The following ZSCAN2 variants were observed in gnomAD, a reference collection of about 807,000 sequenced individuals.
ZSCAN2 encodes zinc finger and SCAN domain-containing protein 2.
A neutral mutation model predicts 47.8 loss-of-function variants in ZSCAN2; 26 were observed. The observed-to-expected ratio is 0.54, with a 90% CI of 0.40 to 0.75. ZSCAN2 has a LOEUF of 0.75. ZSCAN2 is among the 30% of genes least tolerant of loss of function. The pLI, the probability that ZSCAN2 is intolerant of heterozygous loss-of-function variation, is 0.00. For missense variants in ZSCAN2, 732 were observed against 785.4 expected (o/e 0.93, Z 0.81); for synonymous variants, 305 against 288.7 (o/e 1.06, Z -0.57).
chr15:84,601,591 T>C (rs1895204128), intron 1 of ZSCAN2, among the ~76,000 whole-genome samples: 2 of 152,290 alleles, frequency 1.3e-5, no homozygotes, highest in African/African-American at 2.4e-5. Flanking sequence ...AGAGCTTCGG[T>C]TTTCCCACTA....
chr15:84,607,400 C>T (rs931910075), intron 2 of ZSCAN2, among the ~76,000 whole-genome samples: 4 of 152,052 alleles, frequency 2.6e-5, no homozygotes, highest in African/African-American at 9.7e-5. Context: ...CTCTGTGGGA[C>T]CTGGCCCAAA....
rs759946623 is a variant in ZSCAN2, at chr15:84,621,974, A to C, written c.1779A>C (p.Lys593Asn). The C allele has an allele frequency of 6.2e-7, 1 of 1,614,036 alleles. No individual in the cohort carries two copies. The highest frequency in any genetic ancestry group is 1.3e-5 in the African/African-American group (1 of 74,932). ...CCTACAAATGCCCCGAGTGTGGCAA[A>C]GGCTTCAGCAACAGCTCTAACTTTA... The part of the protein sequence containing the change: ...EKPYKCPECG[K>N]GFSNSSNFIT... The change falls in exon 3 of 3, where the codon AAA becomes AAC. Residue 593 changes from lysine (K) to asparagine (N), a missense_variant. Lys to Asn is a moderately conservative substitution (Grantham distance 94, BLOSUM62 0). Coordinates refer to ENST00000546148, the MANE Select transcript of ZSCAN2 (RefSeq NM_181877.4). The surrounding 1 kb of genome is among the most constrained non-coding windows in gnomAD (Gnocchi z 5.7).
intron 2 of ZSCAN2, among the ~76,000 whole-genome samples, chr15:84,613,981 CTTTTTTTTTTTTTT>C (rs35815000): frequency 1.9e-5 from 1 of 52,332 alleles, no homozygotes; most frequent in Admixed American, 3.1e-4. Flanking sequence ...CTCTTGGCCT[CTTTTTTTTTTTTTT>C]TTTTTTTTTT....
At chr15:84,614,833 T>G (rs1895652276) in intron 2 of ZSCAN2, 1 of 152,152 alleles carries the variant, frequency 6.6e-6, no homozygotes, top group Admixed American at 6.5e-5. Flanking sequence ...CCCTTGTAAG[T>G]GATTTGATCC....
intron 2 of ZSCAN2, among the ~76,000 whole-genome samples, chr15:84,617,306 T>C (rs1895716771): frequency 2.0e-5 from 3 of 150,922 alleles, no homozygotes; most frequent in Admixed American, 6.6e-5. Context: ...CGTGTTGGCG[T>C]GCGCCTGTAG....
intron 2 of ZSCAN2, chr15:84,612,167 A>T (rs1895568852): frequency 1.3e-5 from 2 of 152,214 alleles, no homozygotes; most frequent in African/African-American, 4.8e-5. Context: ...CAGCTCAGTG[A>T]CTTTTTCCCA....
intron 2 of ZSCAN2, chr15:84,606,227 A>G: frequency 2.8e-6 from 1 of 362,732 alleles, no homozygotes; most frequent in East Asian, 7.5e-5. Context: ...TGTCCTCTGG[A>G]GAAAGGGACT....
intron 2 of ZSCAN2, among the ~76,000 whole-genome samples, chr15:84,605,193 A>G (rs772184140): frequency 1.3e-5 from 2 of 152,174 alleles, no homozygotes; most frequent in Non-Finnish European, 2.9e-5. Context: ...GGTGTTACTA[A>G]TAAGTATTGG....
rs1156396594 is a variant in ZSCAN2, at chr15:84,604,067, A to C, written c.140A>C (p.Gln47Pro). ...TCCTGGGTGCAAGAAGCTGTGCTGC[A>C]GGAGGATGGCCCTGAGTCTGAGCCC... ...DDSWVQEAVL[Q>P]EDGPESEPFP... The change falls in exon 2 of 3, where the codon CAG becomes CCG. Residue 47 changes from glutamine to proline, a missense_variant. Gln to Pro is a moderately conservative substitution (Grantham distance 76). Around this residue, in one of 2 missense-constraint regions of ZSCAN2, gnomAD observed 320 missense variants for 287.4 expected, o/e 1.11. Coordinates refer to ENST00000546148, the MANE Select transcript of ZSCAN2 (RefSeq NM_181877.4). 2 of 1,614,028 alleles carry C rather than the reference A, an allele frequency of 1.2e-6. No individual in the cohort carries two copies. The highest frequency in any genetic ancestry group is 3.3e-5 in the Admixed American group (2 of 60,002).
In ZSCAN2 at chr15:84,621,125, G is replaced by C. The variant is rs747232457; in HGVS notation, c.930G>C (p.Glu310Asp). 6.2e-7 allele frequency: 1 copy of C among 1,614,034 alleles called. No homozygotes were observed. Among genetic ancestry groups the C allele is most frequent in the African/African-American group, 1.3e-5 (1 of 74,986 alleles). The part of the protein sequence containing the change: ...HTGEKPFQCA[E>D]CGKSFSRSPN... Reference sequence around the variant, plus strand: ...GGGAAAAGCCCTTCCAGTGTGCCGAGTGTGGCAAGAGCTTCAGCAGGAGTC... The same window carrying C: ...GGGAAAAGCCCTTCCAGTGTGCCGACTGTGGCAAGAGCTTCAGCAGGAGTC... Residue 310 changes from glutamate to aspartate, a missense_variant, in exon 3 of 3, where the codon GAG becomes GAC. Glu to Asp is a conservative substitution (Grantham distance 45). This residue lies in a region of ZSCAN2 where 412 missense variants were observed against 498.0 expected (regional missense o/e 0.83). Coordinates refer to ENST00000546148, the MANE Select transcript of ZSCAN2 (RefSeq NM_181877.4). This position sits in a 1 kb window ranked among gnomAD's most constrained non-coding sequence, Gnocchi z 5.7.
At chr15:84,606,737 G>C (rs1214554220) in intron 2 of ZSCAN2, 1 of 1,397,224 alleles carries the variant, frequency 7.2e-7, no homozygotes, top group African/African-American at 1.5e-5. Flanking sequence ...TTGCAGCAGG[G>C]GCTTTGTGCC....
intron 1 of ZSCAN2, among the ~76,000 whole-genome samples, chr15:84,602,628 G>A (rs1321019909): frequency 7.2e-5 from 9 of 124,970 alleles, no homozygotes; most frequent in Admixed American, 5.4e-4. Flanking sequence ...TGGCTCTTTC[G>A]CCCAGACTGG....
rs1431398377 is a variant in ZSCAN2, at chr15:84,622,649, G to A, written c.*609G>A. ...TAAAGACCCTTTCTATTTCCAGAAAGTGTCAGGAGCACAGAAACTTGAGGA... is the reference window on the plus strand; with the variant it reads ...TAAAGACCCTTTCTATTTCCAGAAAATGTCAGGAGCACAGAAACTTGAGGA... On this transcript the variant is annotated 3_prime_UTR_variant, in exon 3 of 3. Coordinates refer to ENST00000546148, the MANE Select transcript of ZSCAN2 (RefSeq NM_181877.4). The A allele has an allele frequency of 1.4e-6, 1 of 717,496 alleles. No homozygotes were observed. 44.4% of individuals were successfully genotyped at this position (717,496 alleles called of 1,614,324 possible). A position where few individuals can be genotyped will look rare whatever the true frequency, so the allele number is the denominator to read the frequency against.
chr15:84,623,085 A>T lies in ZSCAN2; in HGVS notation c.*1045A>T, dbSNP rs187349790. On this transcript the variant is annotated 3_prime_UTR_variant, in exon 3 of 3. Coordinates refer to ENST00000546148, the MANE Select transcript of ZSCAN2 (RefSeq NM_181877.4). ...CGGGTAGCTTTTGTATACTAAGAAC[A>T]TTATTATTATTATTATTTTTGAGAC... 1 of 167,882 alleles carries T rather than the reference A, an allele frequency of 6.0e-6. No homozygotes were observed. Among genetic ancestry groups the T allele is most frequent in the African/African-American group, 2.4e-5 (1 of 41,442 alleles). 10.4% of individuals were successfully genotyped at this position (167,882 alleles called of 1,614,324 possible). A position where few individuals can be genotyped will look rare whatever the true frequency, so the allele number is the denominator to read the frequency against.
At chr15:84,616,405 C>A in intron 2 of ZSCAN2, 1 of 1,597,936 alleles carries the variant, frequency 6.3e-7, no homozygotes. Context: ...CTGCTTACCC[C>A]AGTTCCCAAA....
At chr15:84,619,913 A>G (rs1895776912) in intron 2 of ZSCAN2, among the ~76,000 whole-genome samples, 1 of 148,354 alleles carries the variant, frequency 6.7e-6, no homozygotes, top group Non-Finnish European at 1.5e-5. Context: ...TCAGAATGAA[A>G]TAAGCCTGGG....
rs1895811105 is a variant in ZSCAN2, at chr15:84,621,310, G to GT, written c.1117dup (p.Tyr373LeufsTer60). The GT allele has an allele frequency of 6.2e-7, 1 of 1,614,026 alleles. No homozygotes were observed. Among genetic ancestry groups the GT allele is most frequent in the Non-Finnish European group, 8.5e-7 (1 of 1,180,020 alleles). On this transcript the variant is annotated frameshift_variant, in exon 3 of 3. Coordinates refer to ENST00000546148, the MANE Select transcript of ZSCAN2 (RefSeq NM_181877.4). LOFTEE classifies it high-confidence loss of function. The surrounding 1 kb of genome is among the most constrained non-coding windows in gnomAD (Gnocchi z 5.7). The stretch of plus-strand genomic sequence containing the variant: ...TGTAAAGAATGCGGCGAAAGCTTTA[G>GT]TTACAACTCCAATCTAATCAGACAC...
In ZSCAN2 at chr15:84,613,842, C is replaced by G. The variant is rs561040175; in HGVS notation, c.407-6760C>G. Among the ~76,000 whole-genome samples, 4 of 152,020 alleles carry G rather than the reference C, an allele frequency of 2.6e-5. No homozygotes were observed. The East Asian group carries it at 7.7e-4, about 29-fold the overall frequency. ...GATTACAGGCATGTACCACCATGCC[C>G]AGCTCATTTTTGTATTTTTAGTAGA... is the stretch of plus-strand genomic sequence containing the variant. On this transcript the variant is annotated intron_variant, in intron 2 of 2. Transcript: ENST00000546148.
At chr15:84,603,799 G>T (rs150032800) in intron 1 of ZSCAN2, 21 bp from the exon 2 acceptor site, 9 of 1,138,886 alleles carry the variant, frequency 7.9e-6, no homozygotes, top group Admixed American at 2.6e-5. Context: ...ATGGATTATG[G>T]TTCTCTTTTT....
Sources: allele counts gnomAD v4.1 joint callset (sites outside exome capture counted in the v4.1 genomes callset), GRCh38; gene constraint gnomAD v4.1.1; regional missense constraint gnomAD v4.1.1; non-coding constraint Gnocchi (gnomAD v3.1); transcripts MANE v1.5; gene names NCBI Gene and HGNC (gene_info 2026-07-23, HGNC 2026-07-21).